Variants in SGCZ observed in about 807,000 individuals in gnomAD.
SGCZ encodes zeta-sarcoglycan.
SGCZ carries 40 observed loss-of-function variants against 41.3 expected under a neutral mutation model. That is an observed-to-expected ratio of 0.97 (90% confidence interval 0.75 to 1.26). The LOEUF is 1.26. Among genes scored for constraint, SGCZ ranks in the 50% most tolerant of loss-of-function variants. The probability of loss-of-function intolerance (pLI) is 0.00; values close to 1 mark genes in which losing one functional copy is unlikely to be tolerated. For synonymous variants in SGCZ, 206 were observed against 137.5 expected, an observed-to-expected ratio of 1.50 and a Z score of -3.49; for missense variants, 552 against 369.8, an observed-to-expected ratio of 1.49 and a Z score of -4.04.
At chr8:14,712,858 G>A (rs1052297167) in intron 1 of SGCZ, among the ~76,000 whole-genome samples, 1 of 151,522 alleles carries the variant, frequency 6.6e-6, no homozygotes, top group African/African-American at 2.4e-5. Context: ...CTATTGTGTT[G>A]CCAATAGACC....
intron 1 of SGCZ, among the ~76,000 whole-genome samples, chr8:15,074,990 T>C (rs999634044): frequency 6.6e-6 from 1 of 152,132 alleles, no homozygotes; most frequent in African/African-American, 2.4e-5. Context: ...ATTGTATCCT[T>C]CCTCTCTGCA....
Position 14,375,928 on chromosome 8 carries a change from T to C in SGCZ, c.235-51724A>G, listed in dbSNP as rs561744841. Among the ~76,000 whole-genome samples the C allele has an allele frequency of 1.6e-4, 25 of 152,322 alleles. No individual in the cohort carries two copies. In the South Asian group the frequency reaches 3.7e-3, roughly 23 times the overall value. On this transcript the variant is annotated intron_variant, in intron 2 of 7. Coordinates refer to ENST00000382080, the MANE Select transcript of SGCZ (RefSeq NM_139167.4). Reference sequence around the variant, plus strand: ...TTAAATTATCATATCAAAATGCTGGTCCCTGAAAAATTTAATACTGCATAC... The same window carrying C: ...TTAAATTATCATATCAAAATGCTGGCCCCTGAAAAATTTAATACTGCATAC...
At chr8:14,797,569 G>C (rs1801176436) in intron 1 of SGCZ, among the ~76,000 whole-genome samples, 1 of 152,182 alleles carries the variant, frequency 6.6e-6, no homozygotes, top group Non-Finnish European at 1.5e-5. Context: ...CAAGGCAATA[G>C]CAAAGAAAAA....
At chr8:14,359,565 T>C (rs1803429582) in intron 2 of SGCZ, among the ~76,000 whole-genome samples, 1 of 151,938 alleles carries the variant, frequency 6.6e-6, no homozygotes, top group African/African-American at 2.4e-5. Context: ...TTAAAATAAA[T>C]ATCAAGATAA....
chr8:14,257,865 T>C (rs1177899082), intron 3 of SGCZ, among the ~76,000 whole-genome samples: 1 of 152,190 alleles, frequency 6.6e-6, no homozygotes, highest in African/African-American at 2.4e-5. Flanking sequence ...GCTTTGTTTC[T>C]TTTAATTACT....
intron 2 of SGCZ, among the ~76,000 whole-genome samples, chr8:14,359,448 A>G (rs1803424277): frequency 6.6e-6 from 1 of 152,170 alleles, no homozygotes. Context: ...CGGTGCACAC[A>G]TTATTCTCAA....
At chr8:14,898,683 GTC>G (rs1805293026) in intron 1 of SGCZ, among the ~76,000 whole-genome samples, 1 of 152,126 alleles carries the variant, frequency 6.6e-6, no homozygotes, top group African/African-American at 2.4e-5. Flanking sequence ...GATGAGAAGA[GTC>G]AAGTTTAAGA....
intron 1 of SGCZ, among the ~76,000 whole-genome samples, chr8:14,668,930 G>A (rs925961508): frequency 2.0e-4 from 7 of 34,786 alleles, no homozygotes; most frequent in Non-Finnish European, 3.1e-4. Context: ...GTGTGTGTGT[G>A]TGTGTATGTG....
chr8:14,378,393 C>A (rs1012762649), intron 2 of SGCZ, among the ~76,000 whole-genome samples: 4 of 151,964 alleles, frequency 2.6e-5, no homozygotes, highest in African/African-American at 7.3e-5. Flanking sequence ...TCTAAAACAC[C>A]AAAAGCAATG....
At chr8:14,394,026 T>C (rs952080546) in intron 2 of SGCZ, among the ~76,000 whole-genome samples, 2 of 152,120 alleles carry the variant, frequency 1.3e-5, no homozygotes, top group South Asian at 2.1e-4. Flanking sequence ...TGTTAATATA[T>C]CCTTAAATGA....
chr8:15,197,706 C>T (rs931947414), intron 1 of SGCZ, among the ~76,000 whole-genome samples: 1 of 152,052 alleles, frequency 6.6e-6, no homozygotes, highest in Non-Finnish European at 1.5e-5. Flanking sequence ...TTCTGAGGGC[C>T]CTGCCTCAAA....
At chr8:14,373,101 G>A (rs1464582568) in intron 2 of SGCZ, among the ~76,000 whole-genome samples, 1 of 152,076 alleles carries the variant, frequency 6.6e-6, no homozygotes. Flanking sequence ...AAGAAAATGA[G>A]GCTAGGAAAA....
chr8:15,232,072 T>C lies in SGCZ; in HGVS notation c.39+5513A>G, dbSNP rs573020693. On this transcript the variant is annotated intron_variant, in intron 1 of 7. Transcript: ENST00000382080. ...TGTAAGCATTTACTCATTTAAACAG[T>C]TACCAATTTAAATGCATATTCTCAA... Among the ~76,000 whole-genome samples, 5 of 152,316 alleles carry C rather than the reference T, an allele frequency of 3.3e-5. No individual in the cohort carries two copies. The East Asian group carries it at 9.6e-4, about 29-fold the overall frequency.
intron 1 of SGCZ, among the ~76,000 whole-genome samples, chr8:14,711,677 T>A (rs11984845): frequency 6.6e-6 from 1 of 151,170 alleles, no homozygotes; most frequent in African/African-American, 2.4e-5. Flanking sequence ...TAGGAACATA[T>A]GTAATAAGTC....
intron 1 of SGCZ, among the ~76,000 whole-genome samples, chr8:15,076,868 T>C (rs1411245456): frequency 1.3e-5 from 2 of 152,038 alleles, no homozygotes; most frequent in Non-Finnish European, 2.9e-5. Context: ...AGAGATTTCT[T>C]TGGAGTGCCA....
chr8:15,093,494 G>C (rs1349595660), intron 1 of SGCZ, among the ~76,000 whole-genome samples: 1 of 152,136 alleles, frequency 6.6e-6, no homozygotes, highest in African/African-American at 2.4e-5. Flanking sequence ...CAGTTGCTTA[G>C]AAAAGGGTCT....
At position 14,746,881 on chromosome 8, in the gene SGCZ, T is replaced by C. The variant is rs1284510987; in HGVS notation, c.40-191955A>G. On this transcript the variant is annotated intron_variant, in intron 1 of 7. Transcript: ENST00000382080. The stretch of plus-strand genomic sequence containing the variant: ...TTAACATAAGCATCTTTCAACTGTA[T>C]GTCCTACTTTATTGATTCCAATGCT... 2.6e-5 allele frequency among the ~76,000 whole-genome samples: 4 copies of C among 152,326 alleles called. No individual in the cohort carries two copies. The East Asian group carries it at 7.7e-4, about 29-fold the overall frequency.
intron 1 of SGCZ, among the ~76,000 whole-genome samples, chr8:14,609,172 C>T (rs920878031): frequency 2.0e-5 from 3 of 152,012 alleles, no homozygotes; most frequent in African/African-American, 7.3e-5. Context: ...CATAGATTCC[C>T]TTTGAGATTG....
chr8:14,865,736 T>G (rs1046029206), intron 1 of SGCZ, among the ~76,000 whole-genome samples: 1 of 152,044 alleles, frequency 6.6e-6, no homozygotes. Context: ...CTAAAAGGAG[T>G]TGGGAGGCTT....
Sources: allele counts gnomAD v4.1 joint callset (sites outside exome capture counted in the v4.1 genomes callset), GRCh38; gene constraint gnomAD v4.1.1; transcripts MANE v1.5; gene names NCBI Gene and HGNC (gene_info 2026-07-23, HGNC 2026-07-21).